Variants in TMX2 observed in about 807,000 individuals in gnomAD.
TMX2 encodes the protein thioredoxin-related transmembrane protein 2.
TMX2 carries 20 observed loss-of-function variants against 33.4 expected under a neutral mutation model. That is an observed-to-expected ratio of 0.60 (90% CI 0.42 to 0.87). TMX2 has a LOEUF of 0.87. Among genes scored for constraint, TMX2 ranks in the 40% least tolerant of loss-of-function variants. TMX2 has a pLI of 0.00. For missense variants in TMX2, 340 were observed against 370.7 expected (o/e 0.92, Z 0.68); for synonymous variants, 166 against 140.7 (o/e 1.18, Z -1.27).
At position 57,712,656 on chromosome 11, in the gene TMX2, C is replaced by G. The variant is rs542858051; in HGVS notation, c.38C>G (p.Ser13Trp). 4 of 1,614,138 alleles carry G rather than the reference C, an allele frequency of 2.5e-6. No individual in the cohort carries two copies. The highest frequency in any genetic ancestry group is 1.3e-5 in the African/African-American group (1 of 75,052). Residue 13 changes from serine (S) to tryptophan (W), a missense_variant, in exon 1 of 8, where the codon TCG (serine) becomes TGG (tryptophan). Ser to Trp is a radical substitution (Grantham distance 177). Around this residue, in one of 3 missense-constraint regions of TMX2, gnomAD observed 106 missense variants for 82.7 expected, o/e 1.28. Coordinates refer to ENST00000278422, the MANE Select transcript of TMX2 (RefSeq NM_015959.4). ...VLAPLIALVY[S>W]VPRLSRWLAQ... ...GCACCTCTAATTGCTCTCGTGTATT[C>G]GGTGCCGCGACTTTCACGATGGCTC...
At chr11:57,724,183 A>T (rs1214548587) in intron 1 of TMX2, among the ~76,000 whole-genome samples, 1 of 152,182 alleles carries the variant, frequency 6.6e-6, no homozygotes, top group Non-Finnish European at 1.5e-5. Flanking sequence ...AGAACTCATT[A>T]CTGAACAGTC....
chr11:57,737,540 G>C (rs1948824122), intron 1 of TMX2, 68 bp from the exon 2 acceptor site: 1 of 1,344,136 alleles, frequency 7.4e-7, no homozygotes, highest in South Asian at 1.2e-5. Context: ...TACATATTTA[G>C]TTCCCTTTCC....
intron 1 of TMX2, among the ~76,000 whole-genome samples, chr11:57,732,124 T>C (rs1238932860): frequency 1.3e-5 from 2 of 152,350 alleles, no homozygotes; most frequent in East Asian, 3.9e-4. Flanking sequence ...CTTTTTCTTT[T>C]TACTAGTGTT....
At chr11:57,712,924 G>A (rs1401711731) in intron 1 of TMX2, 117 bp downstream of exon 1, 1 of 1,081,652 alleles carries the variant, frequency 9.2e-7, no homozygotes, top group Non-Finnish European at 1.3e-6. Flanking sequence ...GCCTGTAGCG[G>A]ACTTAGAGAC....
Position 57,738,979 on chromosome 11 carries a change from A to G in TMX2, c.554A>G (p.Asn185Ser), listed in dbSNP as rs768799368. Residue 185 changes from asparagine to serine, a missense_variant, in exon 6 of 8, where the codon AAC becomes AGC. Asn to Ser is a conservative substitution (Grantham distance 46). Transcript: ENST00000278422. ...PIYADLSLKYNCTGLNFGKVD... is the reference protein window; with the variant it reads ...PIYADLSLKYSCTGLNFGKVD... ...AAATAATATATTCTTTTCAGATACA[A>G]CTGTACAGGGCTAAATTTTGGGAAG... 4.3e-6 allele frequency: 7 copies of G among 1,613,610 alleles called. No individual in the cohort carries two copies. Among genetic ancestry groups the G allele is most frequent in the African/African-American group, 1.3e-5 (1 of 74,814 alleles).
intron 7 of TMX2, among the ~76,000 whole-genome samples, chr11:57,739,700 T>C (rs559415667): frequency 1.3e-5 from 2 of 151,266 alleles, no homozygotes; most frequent in South Asian, 4.2e-4. Flanking sequence ...GAGGTTGCAG[T>C]GAGCTGAGAT....
intron 1 of TMX2, among the ~76,000 whole-genome samples, chr11:57,716,592 G>A (rs1229942101): frequency 3.0e-5 from 4 of 134,394 alleles, no homozygotes; most frequent in Admixed American, 7.2e-5. Context: ...CCTCCCGGAC[G>A]GGGCGGCTGG....
intron 1 of TMX2, among the ~76,000 whole-genome samples, chr11:57,714,445 A>G (rs557876888): frequency 6.6e-6 from 1 of 152,300 alleles, no homozygotes; most frequent in Admixed American, 6.5e-5. Context: ...AGGGCAGTCA[A>G]TTGGGAAGAT....
intron 1 of TMX2, among the ~76,000 whole-genome samples, chr11:57,717,549 G>A (rs1405831320): frequency 1.3e-5 from 2 of 152,014 alleles, no homozygotes; most frequent in African/African-American, 4.8e-5. Context: ...AAAAAAGTAC[G>A]AAAACCAGTC....
At chr11:57,723,075 C>T (rs950049417) in intron 1 of TMX2, among the ~76,000 whole-genome samples, 2 of 152,094 alleles carry the variant, frequency 1.3e-5, no homozygotes, top group Non-Finnish European at 2.9e-5. Context: ...TGTGCCAATG[C>T]ACTCCACCCT....
At position 57,730,652 on chromosome 11, in the gene TMX2, C is replaced by G. The variant is rs189698000; in HGVS notation, c.190-6956C>G. ...ACTCGGGAGGCTGACACAGGAGAAT[C>G]GCTTGAACCCAGGAGGCGGAGGTTG... On this transcript the variant is annotated intron_variant, in intron 1 of 7. Transcript: ENST00000278422. Among the ~76,000 whole-genome samples the G allele has an allele frequency of 7.6e-4, 115 of 152,034 alleles. 5 individuals carry two copies. In the East Asian group the frequency reaches 0.016, roughly 21 times the overall value.
At chr11:57,734,726 C>T (rs931438935) in intron 1 of TMX2, among the ~76,000 whole-genome samples, 7 of 151,154 alleles carry the variant, frequency 4.6e-5, no homozygotes, top group African/African-American at 1.2e-4. Context: ...CCAGCCTGGG[C>T]GACAGAGCAA....
intron 1 of TMX2, among the ~76,000 whole-genome samples, chr11:57,717,455 C>T (rs1332736999): frequency 3.3e-5 from 5 of 151,932 alleles, no homozygotes; most frequent in African/African-American, 1.2e-4. Context: ...AATCCCGGCA[C>T]CTCGGGAGGC....
intron 1 of TMX2, among the ~76,000 whole-genome samples, chr11:57,718,757 G>C (rs945055681): frequency 6.8e-6 from 1 of 147,242 alleles, no homozygotes; most frequent in African/African-American, 2.5e-5. Context: ...CTGGGTTCAA[G>C]TAATTCTCCT....
At chr11:57,733,548 C>A (rs2926660) in intron 1 of TMX2, among the ~76,000 whole-genome samples, 1 of 151,706 alleles carries the variant, frequency 6.6e-6, no homozygotes, top group African/African-American at 2.4e-5. Flanking sequence ...TGAGTCACCG[C>A]GCCCAGCCTA....
chr11:57,717,277 C>T (rs1351648288), intron 1 of TMX2, among the ~76,000 whole-genome samples: 10 of 152,174 alleles, frequency 6.6e-5, no homozygotes, highest in Non-Finnish European at 1.2e-4. Flanking sequence ...CAGGCAGAGA[C>T]GCTCCTCACT....
intron 1 of TMX2, among the ~76,000 whole-genome samples, chr11:57,713,369 T>G (rs981088823): frequency 6.6e-6 from 1 of 152,202 alleles, no homozygotes; most frequent in Non-Finnish European, 1.5e-5. Flanking sequence ...CTAGGCACTC[T>G]GCTTGATCCT....
chr11:57,728,288 G>T lies in TMX2; in HGVS notation c.190-9320G>T, dbSNP rs866579160. Among the ~76,000 whole-genome samples, 4 of 152,056 alleles carry T rather than the reference G, an allele frequency of 2.6e-5. No individual in the cohort carries two copies. In the South Asian group the frequency reaches 8.3e-4, roughly 32 times the overall value. On this transcript the variant is annotated intron_variant, in intron 1 of 7. Coordinates refer to ENST00000278422, the MANE Select transcript of TMX2 (RefSeq NM_015959.4). ...CGCCATTCTCCTGCCTCAGCCTCCC[G>T]AGTAGCTGGGACTACAGGCGCCCGC...
intron 1 of TMX2, among the ~76,000 whole-genome samples, chr11:57,733,552 C>T (rs1028399877): frequency 1.4e-4 from 21 of 151,942 alleles, no homozygotes; most frequent in Admixed American, 3.9e-4. Flanking sequence ...TCACCGCGCC[C>T]AGCCTATAGT....
Sources: allele counts gnomAD v4.1 joint callset (sites outside exome capture counted in the v4.1 genomes callset), GRCh38; gene constraint gnomAD v4.1.1; regional missense constraint gnomAD v4.1.1; transcripts MANE v1.5; gene names NCBI Gene and HGNC (gene_info 2026-07-23, HGNC 2026-07-21).